Variants in PLEKHM2 observed in about 807,000 individuals in gnomAD.
The protein encoded by PLEKHM2 is pleckstrin homology domain-containing family M member 2.
In PLEKHM2, 77 loss-of-function variants were observed where a neutral mutation model predicts 116.3. The ratio of observed to expected loss-of-function variants is 0.66; its 90% CI spans 0.55 to 0.80. PLEKHM2 has a LOEUF of 0.80. Ranked by LOEUF, PLEKHM2 falls within the 30% of genes least tolerant of loss-of-function variation. The pLI is 0.00. For synonymous variants in PLEKHM2, 562 were observed against 571.0 expected (o/e 0.98, Z 0.22); for missense variants, 1,183 against 1,354.9 (o/e 0.87, Z 1.99).
intron 1 of PLEKHM2, among the ~76,000 whole-genome samples, chr1:15,712,739 C>G (rs1036453308): frequency 2.5e-5 from 1 of 39,484 alleles, no homozygotes; most frequent in African/African-American, 1.1e-4. Context: ...CTCCTGGGCT[C>G]AAGGGATACC....
In PLEKHM2 at chr1:15,727,499, C is replaced by T; in HGVS notation, c.1427C>T (p.Thr476Ile). 6.3e-7 allele frequency: 1 copy of T among 1,587,126 alleles called. No homozygotes were observed. The highest frequency in any genetic ancestry group is 2.3e-5 in the East Asian group (1 of 43,432). Residue 476 changes from threonine to isoleucine, a missense_variant, in exon 9 of 20, where the codon ACA becomes ATA. Thr to Ile is a moderately conservative substitution (Grantham distance 89, BLOSUM62 -1). Transcript: ENST00000375799. The surrounding 1 kb of genome is among the most constrained non-coding windows in gnomAD (Gnocchi z 7.5). ...RFTVESPSTVTSGGGHHDPAG... is the reference protein window; with the variant it reads ...RFTVESPSTVISGGGHHDPAG... The stretch of plus-strand genomic sequence containing the variant: ...ACCGTCGAGAGTCCAAGCACTGTTA[C>T]ATCAGGTGGCGGCCACCATGACCCT...
intron 1 of PLEKHM2, among the ~76,000 whole-genome samples, chr1:15,697,861 C>CTTGCTCTGTTGCCCAGACTGGAG (rs1641030702): frequency 6.6e-6 from 1 of 152,002 alleles, no homozygotes; most frequent in Non-Finnish European, 1.5e-5. Flanking sequence ...TGGTCACCCC[C>CTTGCTCTGTTGCCCAGACTGGAG]TGCATATCTT....
rs370655346 is a variant in PLEKHM2, at chr1:15,731,496, G to A, written c.2465+239G>A. Reference sequence around the variant, plus strand: ...AGGTCCAGTCTGATGGGGGAGGCAGGCCCTTCCCCAGAAGCTCCCGGCCTG... The same window carrying A: ...AGGTCCAGTCTGATGGGGGAGGCAGACCCTTCCCCAGAAGCTCCCGGCCTG... On this transcript the variant is annotated intron_variant, in intron 16 of 19. Transcript: ENST00000375799. Among the ~76,000 whole-genome samples, 29 of 152,262 alleles carry A rather than the reference G, an allele frequency of 1.9e-4. No homozygotes were observed. In the East Asian group the frequency reaches 3.7e-3, roughly 19 times the overall value.
At chr1:15,720,509 A>T in intron 6 of PLEKHM2, 1 of 983,544 alleles carries the variant, frequency 1.0e-6, no homozygotes, top group Non-Finnish European at 1.2e-6. Context: ...GTCTTGACCC[A>T]ATGATTTACT....
intron 1 of PLEKHM2, 49 bp downstream of exon 1, chr1:15,684,667 C>G: frequency 9.1e-7 from 1 of 1,102,286 alleles, no homozygotes; most frequent in Non-Finnish European, 1.2e-6. Flanking sequence ...GCCGCGCCCC[C>G]CACGCCCTCC....
chr1:15,683,284 G>A (rs1169589836), upstream of PLEKHM2, among the ~76,000 whole-genome samples: 1 of 151,792 alleles, frequency 6.6e-6, no homozygotes, highest in Non-Finnish European at 1.5e-5. Context: ...TCCAGGCTGC[G>A]AAAGCCAGGG....
At position 15,684,528 on chromosome 1, in the gene PLEKHM2, CGGT is replaced by C; in HGVS notation, c.-28_-26del. On this transcript the variant is annotated 5_prime_UTR_variant, in exon 1 of 20. Coordinates refer to ENST00000375799, the MANE Select transcript of PLEKHM2 (RefSeq NM_015164.4). ...GGCGGCGGGGCGGCGGCGGCGGTGG[CGGT>C]GGCGGTGGCGGCGACGGTGGCAGCG... 1 of 1,130,240 alleles carries C rather than the reference CGGT, an allele frequency of 8.8e-7. No homozygotes were observed. The highest frequency in any genetic ancestry group is 3.7e-5 in the South Asian group (1 of 27,154). 70.0% of individuals were successfully genotyped at this position (1,130,240 alleles called of 1,614,324 possible).
chr1:15,728,025 C>A lies in PLEKHM2; in HGVS notation c.1761-54C>A. Reference sequence around the variant, plus strand: ...CCCCTGGCTCTGGGGTGGGGTGTGGCCTCTCTCACCGCTGCCTGCCTGACA... The same window carrying A: ...CCCCTGGCTCTGGGGTGGGGTGTGGACTCTCTCACCGCTGCCTGCCTGACA... On this transcript the variant is annotated intron_variant, in intron 9 of 19. Coordinates refer to ENST00000375799, the MANE Select transcript of PLEKHM2 (RefSeq NM_015164.4). The surrounding 1 kb of genome is among the most constrained non-coding windows in gnomAD (Gnocchi z 5.9). 6.9e-7 allele frequency: 1 copy of A among 1,450,424 alleles called. No individual in the cohort carries two copies. The highest frequency in any genetic ancestry group is 9.6e-7 in the Non-Finnish European group (1 of 1,046,644). 89.8% of individuals were successfully genotyped at this position (1,450,424 alleles called of 1,614,324 possible).
rs747751470 is a variant in PLEKHM2 at position 15,727,745 on chromosome 1, C to T, written c.1673C>T (p.Pro558Leu). 6.2e-7 allele frequency: 1 copy of T among 1,602,868 alleles called. No individual in the cohort carries two copies. Among genetic ancestry groups the T allele is most frequent in the East Asian group, 2.3e-5 (1 of 44,428 alleles). The change falls in exon 9 of 20, where the codon CCC (proline) becomes CTC (leucine). Residue 558 changes from proline to leucine, a missense_variant. By Grantham distance (98) the Pro-to-Leu change is moderately conservative. This residue lies in a region of PLEKHM2 where 594 missense variants were observed against 720.1 expected (regional missense o/e 0.82). Coordinates refer to ENST00000375799, the MANE Select transcript of PLEKHM2 (RefSeq NM_015164.4). This position sits in a 1 kb window ranked among gnomAD's most constrained non-coding sequence, Gnocchi z 7.5. ...EVLCQLKRDQ[P>L]SPCLSSAEDS... ...CTCTGCCAGCTCAAGCGAGACCAGC[C>T]CAGCCCGTGTCTGAGTAGCGCTGAG...
At chr1:15,706,632 C>G (rs1641231643) in intron 1 of PLEKHM2, among the ~76,000 whole-genome samples, 1 of 152,154 alleles carries the variant, frequency 6.6e-6, no homozygotes, top group Non-Finnish European at 1.5e-5. Context: ...GTCTCGAACT[C>G]CTAACCTCAG....
At chr1:15,682,603 A>G (rs1640668074), upstream of PLEKHM2, among the ~76,000 whole-genome samples, 1 of 150,826 alleles carries the variant, frequency 6.6e-6, no homozygotes. Context: ...TGGGGAACAG[A>G]GCAAGGCTCT....
At chr1:15,683,530 G>T (rs1640689171), upstream of PLEKHM2, among the ~76,000 whole-genome samples, 1 of 150,274 alleles carries the variant, frequency 6.7e-6, no homozygotes, top group Non-Finnish European at 1.5e-5. Context: ...TCTCTGGCCT[G>T]TGGGGTCGGA....
Position 15,718,545 on chromosome 1 carries a change from C to A in PLEKHM2, c.385C>A (p.Leu129Met). 6.4e-7 allele frequency: 1 copy of A among 1,568,916 alleles called. No individual in the cohort carries two copies. Among genetic ancestry groups the A allele is most frequent in the Non-Finnish European group, 8.7e-7 (1 of 1,154,522 alleles). Residue 129 changes from leucine (L) to methionine (M), a missense_variant, in exon 5 of 20, where the codon CTG becomes ATG. This residue lies in a region of PLEKHM2 where 217 missense variants were observed against 277.6 expected (regional missense o/e 0.78). Transcript: ENST00000375799. ...LLHKYYVKNALVCSHDHLTLF... is the reference protein window; with the variant it reads ...LLHKYYVKNAMVCSHDHLTLF... ...GCTTCTCATGTCTTGCAGGAATGCC[C>A]TGGTCTGCAGCCACGATCACCTGAC... is the stretch of plus-strand genomic sequence containing the variant.
chr1:15,715,800 T>G (rs569748936), intron 1 of PLEKHM2, among the ~76,000 whole-genome samples: 1 of 152,328 alleles, frequency 6.6e-6, no homozygotes, highest in East Asian at 1.9e-4. Context: ...AGTTTAAAGG[T>G]CTGTTGACAA....
rs779290839 is a variant in PLEKHM2 at position 15,733,816 on chromosome 1, C to T, written c.2942C>T (p.Ala981Val). Residue 981 changes from alanine (A) to valine (V), a missense_variant, in exon 20 of 20, where the codon GCG becomes GTG. Physicochemically the swap from Ala to Val is moderately conservative, Grantham distance 64. Coordinates refer to ENST00000375799, the MANE Select transcript of PLEKHM2 (RefSeq NM_015164.4). ...ACACAGGTGGACCTCCCCCACACGG[C>T]GATCCAGGAAGCCTCCAACAAGAAG... ...TIYQVDLPHTAIQEASNKKKF... is the reference protein window; with the variant it reads ...TIYQVDLPHTVIQEASNKKKF... 3.7e-6 allele frequency: 6 copies of T among 1,612,866 alleles called. No homozygotes were observed. Among genetic ancestry groups the T allele is most frequent in the South Asian group, 1.1e-5 (1 of 91,080 alleles).
intron 1 of PLEKHM2, among the ~76,000 whole-genome samples, chr1:15,706,204 CTG>C (rs1641222389): frequency 1.3e-5 from 2 of 152,194 alleles, no homozygotes; most frequent in Admixed American, 6.5e-5. Context: ...CTCGCACGGC[CTG>C]TGTGGCTGTG....
chr1:15,719,683 G>C lies in PLEKHM2; in HGVS notation c.466-51G>C, dbSNP rs1468430046. ...GCCTGGATCCTGCTGTCTGCAGAAG[G>C]CCGCTGCACGAGGCCTCCCACCAAA... On this transcript the variant is annotated intron_variant, in intron 5 of 19. Coordinates refer to ENST00000375799, the MANE Select transcript of PLEKHM2 (RefSeq NM_015164.4). The surrounding 1 kb of genome is among the most constrained non-coding windows in gnomAD (Gnocchi z 4.1). The C allele has an allele frequency of 7.6e-7, 1 of 1,314,702 alleles. No homozygotes were observed. The highest frequency in any genetic ancestry group is 1.1e-6 in the Non-Finnish European group (1 of 919,920). 81.4% of individuals were successfully genotyped at this position (1,314,702 alleles called of 1,614,324 possible).
At chr1:15,698,549 C>CTTTTTTTTTTTTTTT (rs564918055) in intron 1 of PLEKHM2, among the ~76,000 whole-genome samples, 2 of 111,224 alleles carry the variant, frequency 1.8e-5, no homozygotes, top group African/African-American at 7.9e-5. Context: ...TTCTTTCTTT[C>CTTTTTTTTTTTTTTT]TTTTTTTTTT....
intron 1 of PLEKHM2, among the ~76,000 whole-genome samples, chr1:15,690,699 G>A (rs934790943): frequency 2.0e-5 from 3 of 152,160 alleles, no homozygotes; most frequent in Non-Finnish European, 4.4e-5. Flanking sequence ...TGCACATTAG[G>A]CTTGTGGAGT....
Sources: allele counts gnomAD v4.1 joint callset (sites outside exome capture counted in the v4.1 genomes callset), GRCh38; gene constraint gnomAD v4.1.1; regional missense constraint gnomAD v4.1.1; non-coding constraint Gnocchi (gnomAD v3.1); transcripts MANE v1.5; gene names NCBI Gene and HGNC (gene_info 2026-07-23, HGNC 2026-07-21).